CIT: variants seen among roughly 807,000 people sequenced by gnomAD.
CIT encodes citron rho-interacting serine/threonine kinase.
In CIT, 79 loss-of-function variants were observed where a neutral mutation model predicts 272.7. The ratio of observed to expected loss-of-function variants is 0.29; its 90% CI spans 0.24 to 0.35. The LOEUF (loss-of-function observed/expected upper bound fraction) is 0.35, where lower values mean the gene tolerates loss of function less well. Among genes scored for constraint, CIT ranks in the 10% least tolerant of loss-of-function variants. CIT has a pLI of 1.00. For synonymous variants in CIT, 948 were observed against 995.6 expected (o/e 0.95, Z 0.90); for missense variants, 1,909 against 2,618.3 (o/e 0.73, Z 5.91).
intron 5 of CIT, among the ~76,000 whole-genome samples, chr12:119,844,916 C>G (rs1339020088): frequency 1.3e-5 from 2 of 151,718 alleles, no homozygotes; most frequent in African/African-American, 4.8e-5. Flanking sequence ...GTCAGAAGAT[C>G]GAGACCATCC....
intron 5 of CIT, among the ~76,000 whole-genome samples, chr12:119,849,835 G>A (rs137937400): frequency 0.03 from 4,555 of 152,096 alleles, 99 homozygotes; most frequent in Non-Finnish European, 0.044. Flanking sequence ...ACAGGCACCC[G>A]ACACCATGCC....
At chr12:119,830,907 C>T (rs944952261) in intron 7 of CIT, among the ~76,000 whole-genome samples, 5 of 152,222 alleles carry the variant, frequency 3.3e-5, no homozygotes, top group Non-Finnish European at 7.3e-5. Context: ...TGTTCTGTCG[C>T]CCAGGCTGGA....
intron 5 of CIT, among the ~76,000 whole-genome samples, chr12:119,840,944 C>T (rs1452416625): frequency 6.6e-6 from 1 of 152,154 alleles, no homozygotes; most frequent in Non-Finnish European, 1.5e-5. Flanking sequence ...CTAGAAACAG[C>T]CCACTTTCAA....
At chr12:119,813,570 T>C (rs1456540618) in intron 9 of CIT, among the ~76,000 whole-genome samples, 3 of 152,342 alleles carry the variant, frequency 2.0e-5, no homozygotes, top group South Asian at 2.1e-4. Context: ...GCCAAATCAT[T>C]TCCACATTTG....
intron 37 of CIT, chr12:119,711,188 T>C: frequency 1.0e-6 from 1 of 970,022 alleles, no homozygotes; most frequent in South Asian, 1.3e-5. Context: ...AGTAAAGCCC[T>C]TTTCAGGAGG....
intron 5 of CIT, among the ~76,000 whole-genome samples, chr12:119,846,432 G>A (rs1306569274): frequency 2.0e-5 from 3 of 152,156 alleles, no homozygotes; most frequent in Admixed American, 6.5e-5. Flanking sequence ...TCAGAGAAAA[G>A]AAATATGAGT....
rs142591143 is a variant in CIT, at chr12:119,735,221, T to C, written c.3095A>G (p.Glu1032Gly). 1.2e-6 allele frequency: 2 copies of C among 1,614,182 alleles called. No homozygotes were observed. Among genetic ancestry groups the C allele is most frequent in the South Asian group, 1.1e-5 (1 of 91,080 alleles). ...GATCTCCCGGCGGAGATGGTCCACT[T>C]CACTTCGCAGTTGTACAATCTCGTC... The part of the protein sequence containing the change: ...ANDEIVQLRS[E>G]VDHLRREITE... The change falls in exon 25 of 48, where the codon GAA (glutamate) becomes GGA (glycine). Residue 1032 changes from glutamate (E) to glycine (G), a missense_variant. Coordinates refer to ENST00000392521, the MANE Select transcript of CIT (RefSeq NM_001206999.2).
In CIT at chr12:119,700,812, G is replaced by C. The variant is rs775535132; in HGVS notation, c.5556C>G (p.Phe1852Leu). The change falls in exon 44 of 48, where the codon TTC (phenylalanine) becomes TTG (leucine). Residue 1852 changes from phenylalanine to leucine, a missense_variant. Physicochemically the swap from Phe to Leu is conservative, Grantham distance 22 (BLOSUM62 0). Coordinates refer to ENST00000392521, the MANE Select transcript of CIT (RefSeq NM_001206999.2). ...YLLCFHEFGV[F>L]VDSYGRRSRT... ...GGCTACGTCTTCCGTAAGAATCCACGAACACTCCAAATTCTGCAAGGTGTC... is the reference window on the plus strand; with the variant it reads ...GGCTACGTCTTCCGTAAGAATCCACCAACACTCCAAATTCTGCAAGGTGTC... The C allele has an allele frequency of 6.2e-7, 1 of 1,613,770 alleles. No individual in the cohort carries two copies. The highest frequency in any genetic ancestry group is 1.1e-5 in the South Asian group (1 of 91,070).
At chr12:119,826,510 A>C (rs1457199825) in intron 7 of CIT, among the ~76,000 whole-genome samples, 1 of 151,962 alleles carries the variant, frequency 6.6e-6, no homozygotes, top group Non-Finnish European at 1.5e-5. Context: ...CCTCATACCC[A>C]CCCCTGTCTA....
chr12:119,811,156 C>A (rs1202594197), intron 9 of CIT, among the ~76,000 whole-genome samples: 1 of 152,082 alleles, frequency 6.6e-6, no homozygotes, highest in Non-Finnish European at 1.5e-5. Flanking sequence ...AAAACCCTGT[C>A]TCTACAAAAA....
chr12:119,862,857 A>AAACC (rs1950397170), intron 3 of CIT, among the ~76,000 whole-genome samples: 1 of 147,502 alleles, frequency 6.8e-6, no homozygotes, highest in Non-Finnish European at 1.5e-5. Context: ...ACCAAAAAAA[A>AAACC]AAACGAGGTA....
intron 4 of CIT, among the ~76,000 whole-genome samples, chr12:119,851,197 G>C (rs1230199848): frequency 2.0e-5 from 3 of 152,124 alleles, no homozygotes; most frequent in Admixed American, 6.6e-5. Flanking sequence ...GAGATTAAAG[G>C]CATAAGCCAC....
chr12:119,867,972 T>A (rs1296212859), intron 3 of CIT, among the ~76,000 whole-genome samples: 1 of 152,164 alleles, frequency 6.6e-6, no homozygotes, highest in Non-Finnish European at 1.5e-5. Flanking sequence ...CTCACACCTG[T>A]AATCCCAAAG....
Position 119,708,306 on chromosome 12 carries a change from G to C in CIT, c.5084C>G (p.Ala1695Gly). 6.3e-7 allele frequency: 1 copy of C among 1,593,930 alleles called. No individual in the cohort carries two copies. The highest frequency in any genetic ancestry group is 8.5e-7 in the Non-Finnish European group (1 of 1,170,306). Residue 1695 changes from alanine (A) to glycine (G), a missense_variant, in exon 40 of 48, where the codon GCA (alanine) becomes GGA (glycine). Around this residue, in one of 8 missense-constraint regions of CIT, gnomAD observed 780 missense variants for 1,067.2 expected, o/e 0.73. Coordinates refer to ENST00000392521, the MANE Select transcript of CIT (RefSeq NM_001206999.2). ...TTTCTTCACGTCCACAAGACACAGT[G>C]CCCGCTCTTCTCCTGAACAGGAAAA... ...KLLMIAGEER[A>G]LCLVDVKKVK...
intron 28 of CIT, among the ~76,000 whole-genome samples, chr12:119,724,869 G>A (rs1593485862): frequency 7.3e-6 from 1 of 137,240 alleles, no homozygotes. Flanking sequence ...CCGGGAGGCA[G>A]AGCTTGCAGT....
At position 119,804,387 on chromosome 12, in the gene CIT, T is replaced by A; in HGVS notation, c.1112-998A>T. On this transcript the variant is annotated intron_variant, in intron 9 of 47. Coordinates refer to ENST00000392521, the MANE Select transcript of CIT (RefSeq NM_001206999.2). This position sits in a 1 kb window ranked among gnomAD's most constrained non-coding sequence, Gnocchi z 5.3. ...AGGCGAGTTAGAGCCGAGCATCACATCCCCCGCAGTGCAGGCTGCATGCTC... is the reference window on the plus strand; with the variant it reads ...AGGCGAGTTAGAGCCGAGCATCACAACCCCCGCAGTGCAGGCTGCATGCTC... The A allele has an allele frequency of 1.0e-6, 1 of 985,394 alleles. No individual in the cohort carries two copies. Among genetic ancestry groups the A allele is most frequent in the Non-Finnish European group, 1.2e-6 (1 of 830,006 alleles). The allele number at this position is 985,394 out of a possible 1,614,324, so 61.0% of individuals were successfully genotyped here.
At chr12:119,830,853 A>C (rs955386718) in intron 7 of CIT, among the ~76,000 whole-genome samples, 1 of 152,048 alleles carries the variant, frequency 6.6e-6, no homozygotes, top group Non-Finnish European at 1.5e-5. Context: ...ATTTTTTTTT[A>C]ATTTCACGAA....
rs2137787311 is a variant in CIT at position 119,792,612 on chromosome 12, G to A, written c.1296-7547C>T. Among the ~76,000 whole-genome samples the A allele has an allele frequency of 2.0e-5, 3 of 152,140 alleles. 1 individual carries two copies. The East Asian group carries it at 5.9e-4, about 30-fold the overall frequency. On this transcript the variant is annotated intron_variant, in intron 10 of 47. Transcript: ENST00000392521. The stretch of plus-strand genomic sequence containing the variant: ...GTCCTCCGGAGTAGTTGGGACTACA[G>A]GCACGCGCCACTGTACCCAGCTAAT...
At chr12:119,809,018 C>CT (rs1289760342) in intron 9 of CIT, among the ~76,000 whole-genome samples, 1 of 152,110 alleles carries the variant, frequency 6.6e-6, no homozygotes, top group Non-Finnish European at 1.5e-5. Context: ...GAATGCAGTA[C>CT]TTTTTTGCAA....
Sources: gnomAD v4.1 joint callset for allele counts (sites outside exome capture counted in the v4.1 genomes callset) on GRCh38, gnomAD v4.1.1 for gene constraint, gnomAD v4.1.1 regional missense constraint, Gnocchi (gnomAD v3.1) non-coding constraint, MANE v1.5 for transcripts, NCBI Gene and HGNC (gene_info 2026-07-23, HGNC 2026-07-21) for gene names.